BMP6: variants seen among roughly 807,000 people sequenced by gnomAD.
BMP6 encodes bone morphogenetic protein 6, also known as VG-1-R.
In BMP6, 17 loss-of-function variants were observed where a neutral mutation model predicts 54.1. The observed-to-expected ratio is 0.31, with a 90% CI of 0.22 to 0.47. The LOEUF (loss-of-function observed/expected upper bound fraction) is 0.47, where lower values mean the gene tolerates loss of function less well. Ranked by LOEUF, BMP6 falls within the 20% of genes least tolerant of loss-of-function variation. BMP6 has a pLI of 1.00. For synonymous variants in BMP6, 328 were observed against 291.2 expected (o/e 1.13, Z -1.28); for missense variants, 720 against 690.4 (o/e 1.04, Z -0.48).
At chr6:7,819,645 C>A (rs1561782179) in intron 1 of BMP6, among the ~76,000 whole-genome samples, 2 of 152,194 alleles carry the variant, frequency 1.3e-5, no homozygotes, top group Non-Finnish European at 2.9e-5. Flanking sequence ...AACCAAGAAT[C>A]TGCTCTGGAA....
chr6:7,819,979 A>G lies in BMP6; in HGVS notation c.665-25161A>G, dbSNP rs184716391. On this transcript the variant is annotated intron_variant, in intron 1 of 6. Coordinates refer to ENST00000283147, the MANE Select transcript of BMP6 (RefSeq NM_001718.6). Reference sequence around the variant, plus strand: ...GTTAAGCGTTGGTGAAAGTGGGGATATTGGTGGTCTGTTTAAGTGAAATAC... The same window carrying G: ...GTTAAGCGTTGGTGAAAGTGGGGATGTTGGTGGTCTGTTTAAGTGAAATAC... Among the ~76,000 whole-genome samples, 502 of 152,138 alleles carry G rather than the reference A, an allele frequency of 3.3e-3. 6 individuals are homozygous for G. The highest frequency in any genetic ancestry group is 0.012 in the African/African-American group (485 of 41,482).
intron 1 of BMP6, among the ~76,000 whole-genome samples, chr6:7,802,063 G>T (rs192934072): frequency 6.6e-4 from 100 of 152,290 alleles, no homozygotes; most frequent in Non-Finnish European, 1.2e-3. Context: ...CAGAGGACCT[G>T]CCAACAGGCC....
chr6:7,850,147 G>T (rs1428122709), intron 2 of BMP6, among the ~76,000 whole-genome samples: 1 of 151,956 alleles, frequency 6.6e-6, no homozygotes, highest in Non-Finnish European at 1.5e-5. Flanking sequence ...TTTTTTGTTT[G>T]TTTGTTCGTT....
chr6:7,861,560 C>A lies in BMP6; in HGVS notation c.967C>A (p.His323Asn). Residue 323 changes from histidine (H) to asparagine (N), a missense_variant, in exon 3 of 7, where the codon CAT becomes AAT. By Grantham distance (68) the His-to-Asn change is moderately conservative. Transcript: ENST00000283147. ...TSNLWVVTPQ[H>N]NMGLQLSVVT... ...CAATCTGTGGGTTGTGACTCCACAG[C>A]ATAACATGGGGCTTCAGCTGAGCGT... 1 of 1,614,198 alleles carries A rather than the reference C, an allele frequency of 6.2e-7. No individual in the cohort carries two copies. The highest frequency in any genetic ancestry group is 8.5e-7 in the Non-Finnish European group (1 of 1,180,042).
intron 1 of BMP6, among the ~76,000 whole-genome samples, chr6:7,813,143 A>ATATATATATG (rs1354797803): frequency 2.8e-5 from 3 of 105,710 alleles, no homozygotes; most frequent in East Asian, 3.1e-4. Context: ...ATATATATAT[A>ATATATATATG]TATATAAAAT....
At chr6:7,783,421 C>A in intron 1 of BMP6, among the ~76,000 whole-genome samples, 1 of 152,220 alleles carries the variant, frequency 6.6e-6, no homozygotes, top group Admixed American at 6.5e-5. Context: ...TTTTCTGGGT[C>A]TGAAAAGTCT....
intron 1 of BMP6, among the ~76,000 whole-genome samples, chr6:7,799,740 T>TTA (rs1554121648): frequency 1.4e-5 from 2 of 145,708 alleles, no homozygotes; most frequent in Admixed American, 1.4e-4. Flanking sequence ...ACACTGATTA[T>TTA]AAAAAAAAAA....
intron 4 of BMP6, among the ~76,000 whole-genome samples, chr6:7,862,720 G>A (rs569004232): frequency 3.3e-5 from 5 of 152,312 alleles, no homozygotes; most frequent in East Asian, 3.9e-4. Context: ...CAGGCTGCCC[G>A]CATCATGACT....
chr6:7,818,759 A>G (rs1319806696), intron 1 of BMP6, among the ~76,000 whole-genome samples: 1 of 152,214 alleles, frequency 6.6e-6, no homozygotes, highest in African/African-American at 2.4e-5. Flanking sequence ...GCCACCTACA[A>G]TCTGACGTCA....
intron 2 of BMP6, among the ~76,000 whole-genome samples, chr6:7,846,134 G>A (rs1345240848): frequency 6.6e-6 from 1 of 152,140 alleles, no homozygotes; most frequent in Non-Finnish European, 1.5e-5. Context: ...CTCTTAGTGT[G>A]TACAAGGTGG....
chr6:7,860,971 T>A (rs1220585426), intron 2 of BMP6, among the ~76,000 whole-genome samples: 1 of 151,794 alleles, frequency 6.6e-6, no homozygotes, highest in Non-Finnish European at 1.5e-5. Flanking sequence ...TTATTAGCCA[T>A]AAAGTAAGCT....
chr6:7,810,017 A>G (rs988044255), intron 1 of BMP6, among the ~76,000 whole-genome samples: 3 of 152,238 alleles, frequency 2.0e-5, no homozygotes, highest in Non-Finnish European at 4.4e-5. Context: ...ATGTTAGCTC[A>G]AAGTTTTCAA....
intron 4 of BMP6, among the ~76,000 whole-genome samples, chr6:7,875,061 C>T (rs1054307479): frequency 1.3e-5 from 2 of 152,024 alleles, no homozygotes; most frequent in Non-Finnish European, 2.9e-5. Context: ...GTCTTGAGTC[C>T]AAAGGCTTGA....
Position 7,726,127 on chromosome 6 carries a change from G to T in BMP6, c.-829G>T, listed in dbSNP as rs1220817080. ...AAGCCCACGTTGGCCGCTGCGGGGA[G>T]CGCGGCGTGGAGAGGCGGGAGACCG... On this transcript the variant is annotated 5_prime_UTR_variant, in exon 1 of 7. Transcript: ENST00000283147. 6.6e-6 allele frequency among the ~76,000 whole-genome samples: 1 copy of T among 152,238 alleles called. No individual in the cohort carries two copies. Among genetic ancestry groups the T allele is most frequent in the Non-Finnish European group, 1.5e-5 (1 of 68,042 alleles).
At chr6:7,827,383 A>G (rs1444120248) in intron 1 of BMP6, among the ~76,000 whole-genome samples, 2 of 152,234 alleles carry the variant, frequency 1.3e-5, no homozygotes, top group African/African-American at 2.4e-5. Context: ...AGAGCAAAGA[A>G]TGTGCTCTCT....
At chr6:7,808,136 G>A (rs539509190) in intron 1 of BMP6, among the ~76,000 whole-genome samples, 1 of 151,924 alleles carries the variant, frequency 6.6e-6, no homozygotes, top group Non-Finnish European at 1.5e-5. Flanking sequence ...TAGCCAGGAT[G>A]GTCTTGATTT....
Position 7,855,631 on chromosome 6 carries a change from A to G in BMP6, c.858-5820A>G, listed in dbSNP as rs530859113. Reference sequence around the variant, plus strand: ...GGCTGGGGTGCAGTGGCACAATCTCAGCTCACTGCAACCTGCACCTCCCAG... The same window carrying G: ...GGCTGGGGTGCAGTGGCACAATCTCGGCTCACTGCAACCTGCACCTCCCAG... On this transcript the variant is annotated intron_variant, in intron 2 of 6. Coordinates refer to ENST00000283147, the MANE Select transcript of BMP6 (RefSeq NM_001718.6). Among the ~76,000 whole-genome samples the G allele has an allele frequency of 1.3e-3, 177 of 132,476 alleles. 1 individual carries two copies. Among genetic ancestry groups the G allele is most frequent in the Non-Finnish European group, 2.3e-3 (152 of 65,812 alleles). 86.9% of individuals were successfully genotyped at this position (132,476 alleles called of 152,430 possible). A position where few individuals can be genotyped will look rare whatever the true frequency, so the allele number is the denominator to read the frequency against.
At chr6:7,864,006 C>T (rs1471922604) in intron 4 of BMP6, among the ~76,000 whole-genome samples, 2 of 128,382 alleles carry the variant, frequency 1.6e-5, no homozygotes, top group Non-Finnish European at 3.2e-5. Context: ...AGCGAGACTC[C>T]ATCGAAAAAA....
intron 1 of BMP6, among the ~76,000 whole-genome samples, chr6:7,734,531 G>T (rs2113107475): frequency 6.6e-6 from 1 of 152,312 alleles, no homozygotes; most frequent in African/African-American, 2.4e-5. Context: ...CCCAAATCTG[G>T]AATTGTTGGG....
Sources: allele counts gnomAD v4.1 joint callset (sites outside exome capture counted in the v4.1 genomes callset), GRCh38; gene constraint gnomAD v4.1.1; transcripts MANE v1.5; gene names NCBI Gene and HGNC (gene_info 2026-07-23, HGNC 2026-07-21).